GASK1B: variants seen among roughly 807,000 people sequenced by gnomAD.
GASK1B encodes Golgi-associated kinase 1B.
A neutral mutation model predicts 42.8 loss-of-function variants in GASK1B; 34 were observed. The ratio of observed to expected loss-of-function variants is 0.79; its 90% CI spans 0.60 to 1.06. The LOEUF (loss-of-function observed/expected upper bound fraction) is 1.06, where lower values mean the gene tolerates loss of function less well. GASK1B is among the 50% of genes least tolerant of loss of function. The pLI, the probability that GASK1B is intolerant of heterozygous loss-of-function variation, is 0.00. For missense variants in GASK1B, 686 were observed against 661.0 expected (o/e 1.04, Z -0.42); for synonymous variants, 262 against 259.1 (o/e 1.01, Z -0.11).
rs568165868 is a variant in GASK1B, at chr4:158,134,199, T to C, written c.1126-3187A>G. 2.0e-4 allele frequency among the ~76,000 whole-genome samples: 30 copies of C among 152,316 alleles called. No individual in the cohort carries two copies. The South Asian group carries it at 4.6e-3, about 23-fold the overall frequency. ...CACCCTTAAATTCAGTGCCATTTTG[T>C]TAGGCAGTTAATTTAGTTTTCTATT... On this transcript the variant is annotated intron_variant, in intron 3 of 4. Coordinates refer to ENST00000585682, the MANE Select transcript of GASK1B (RefSeq NM_001128424.2).
intron 3 of GASK1B, among the ~76,000 whole-genome samples, chr4:158,133,409 C>T (rs1354370557): frequency 6.6e-6 from 1 of 152,098 alleles, no homozygotes; most frequent in Admixed American, 6.5e-5. Context: ...TTCTTAAATG[C>T]TTCTTCAAAC....
At chr4:158,132,743 G>A (rs1730730420) in intron 3 of GASK1B, among the ~76,000 whole-genome samples, 1 of 152,118 alleles carries the variant, frequency 6.6e-6, no homozygotes, top group Non-Finnish European at 1.5e-5. Context: ...CAGTCAAAGG[G>A]TACACTGCTG....
intron 2 of GASK1B, among the ~76,000 whole-genome samples, chr4:158,161,705 T>A (rs1732021259): frequency 6.6e-6 from 1 of 152,222 alleles, no homozygotes. Flanking sequence ...GTGGTGATGA[T>A]GTGGTCACTG....
In GASK1B at chr4:158,134,682, G is replaced by A. The variant is rs149472880; in HGVS notation, c.1126-3670C>T. On this transcript the variant is annotated intron_variant, in intron 3 of 4. Transcript: ENST00000585682. ...GGTGTTCCAGCCAAATTTTTTGGTG[G>A]TGGTGGTGGGATATTTTTAGATATA... Among the ~76,000 whole-genome samples, 21 of 152,190 alleles carry A rather than the reference G, an allele frequency of 1.4e-4. No individual in the cohort carries two copies. The East Asian group carries it at 3.9e-3, about 28-fold the overall frequency.
intron 3 of GASK1B, among the ~76,000 whole-genome samples, chr4:158,154,972 AC>A (rs1341835343): frequency 2.0e-5 from 3 of 152,172 alleles, no homozygotes; most frequent in Non-Finnish European, 2.9e-5. Flanking sequence ...TACCCATGTA[AC>A]AAAACACCAC....
rs774009154 is a variant in GASK1B, at chr4:158,170,683, T to C, written c.693A>G (p.Ala231=). The C allele has an allele frequency of 1.9e-6, 3 of 1,614,196 alleles. No homozygotes were observed. Among genetic ancestry groups the C allele is most frequent in the South Asian group, 2.2e-5 (2 of 91,090 alleles). The change falls in exon 2 of 5, where the codon GCA becomes GCG. Residue 231 remains alanine, a synonymous_variant. Coordinates refer to ENST00000585682, the MANE Select transcript of GASK1B (RefSeq NM_001128424.2). The part of the protein sequence containing the change: ...IRRMRLLADS[A]VAGLRPVSSR... ...AGGACACAGGCCGGAGCCCTGCCAC[T>C]GCGCTGTCCGCCAAGAGTCGCATTC...
intron 3 of GASK1B, among the ~76,000 whole-genome samples, chr4:158,150,011 G>A (rs1260273695): frequency 3.8e-5 from 5 of 131,730 alleles, no homozygotes; most frequent in South Asian, 2.6e-4. Context: ...TGCAAGCTCC[G>A]CCTCCCCAGG....
At chr4:158,141,515 G>A (rs1445298854) in intron 3 of GASK1B, among the ~76,000 whole-genome samples, 1 of 151,132 alleles carries the variant, frequency 6.6e-6, no homozygotes, top group Non-Finnish European at 1.5e-5. Context: ...TAGAGAATGT[G>A]GTCTTAAAAG....
Position 158,152,385 on chromosome 4 carries a change from T to A in GASK1B, c.1125+3226A>T, listed in dbSNP as rs577116777. On this transcript the variant is annotated intron_variant, in intron 3 of 4. Transcript: ENST00000585682. ...GCTAACAAAAAAGTCCAGAACCAGA[T>A]GGATTCACAGCTGAATTCTACCAGA... Among the ~76,000 whole-genome samples the A allele has an allele frequency of 7.9e-5, 12 of 152,280 alleles. No homozygotes were observed. The East Asian group carries it at 1.7e-3, about 22-fold the overall frequency.
intron 2 of GASK1B, 133 bp from the exon 3 acceptor site, chr4:158,155,958 T>C (rs74574549): frequency 0.068 from 47,251 of 691,356 alleles, 1,951 homozygotes; most frequent in Non-Finnish European, 0.084. Flanking sequence ...CAATATTTTA[T>C]GATCTCTTTG....
At chr4:158,137,558 A>G (rs1400432929) in intron 3 of GASK1B, among the ~76,000 whole-genome samples, 2 of 152,188 alleles carry the variant, frequency 1.3e-5, no homozygotes, top group Admixed American at 1.3e-4. Flanking sequence ...CATATTATCA[A>G]TAGAACTAGA....
intron 3 of GASK1B, among the ~76,000 whole-genome samples, chr4:158,135,054 C>T (rs747982965): frequency 5.3e-5 from 8 of 152,020 alleles, no homozygotes; most frequent in African/African-American, 9.7e-5. Flanking sequence ...ATATTTTGGC[C>T]GAGCATGCTG....
chr4:158,170,133 C>T, intron 2 of GASK1B: 1 of 1,180,154 alleles, frequency 8.5e-7, no homozygotes. Flanking sequence ...TTGCCTCCAG[C>T]CTAGCTTCCT....
At chr4:158,156,582 T>C (rs976493565) in intron 2 of GASK1B, among the ~76,000 whole-genome samples, 3 of 152,184 alleles carry the variant, frequency 2.0e-5, no homozygotes, top group Admixed American at 6.5e-5. Context: ...TTGCTAAACT[T>C]TACAAAGAAT....
chr4:158,136,230 G>A (rs1730884178), intron 3 of GASK1B, among the ~76,000 whole-genome samples: 1 of 152,050 alleles, frequency 6.6e-6, no homozygotes, highest in South Asian at 2.1e-4. Context: ...AGGTGAAGAA[G>A]GGTATTGTTA....
In GASK1B at chr4:158,126,481, C is replaced by T. The variant is rs1049339210; in HGVS notation, c.*926G>A. Reference sequence around the variant, plus strand: ...AATATCTGGGCAGTAACCATTAAATCAAATTAAATATAAGTACATAGAACA... The same window carrying T: ...AATATCTGGGCAGTAACCATTAAATTAAATTAAATATAAGTACATAGAACA... On this transcript the variant is annotated 3_prime_UTR_variant, in exon 5 of 5. Transcript: ENST00000585682. 7.9e-5 allele frequency: 12 copies of T among 151,952 alleles called. No homozygotes were observed. The highest frequency in any genetic ancestry group is 2.9e-4 in the African/African-American group (12 of 41,372). 9.4% of individuals were successfully genotyped at this position (151,952 alleles called of 1,614,324 possible).
At chr4:158,162,161 G>T (rs1732044236) in intron 2 of GASK1B, among the ~76,000 whole-genome samples, 1 of 152,152 alleles carries the variant, frequency 6.6e-6, no homozygotes, top group Non-Finnish European at 1.5e-5. Context: ...TCTTCCAAAA[G>T]TATTTATAAT....
chr4:158,140,599 G>A (rs1461757198), intron 3 of GASK1B, among the ~76,000 whole-genome samples: 1 of 152,132 alleles, frequency 6.6e-6, no homozygotes, highest in Non-Finnish European at 1.5e-5. Context: ...TTACTCAGAG[G>A]CTCAGTGCTT....
intron 3 of GASK1B, among the ~76,000 whole-genome samples, chr4:158,134,191 C>A (rs531429576): frequency 6.6e-6 from 1 of 152,250 alleles, no homozygotes; most frequent in Non-Finnish European, 1.5e-5. Context: ...AAATTCAGTG[C>A]CATTTTGTTA....
Sources: allele counts gnomAD v4.1 joint callset (sites outside exome capture counted in the v4.1 genomes callset), GRCh38; gene constraint gnomAD v4.1.1; transcripts MANE v1.5; gene names NCBI Gene and HGNC (gene_info 2026-07-23, HGNC 2026-07-21).